The following RGS17 variants were observed in gnomAD, a reference collection of about 807,000 sequenced individuals.
The protein encoded by RGS17 is regulator of G-protein signaling 17.
A neutral mutation model predicts 25.5 loss-of-function variants in RGS17; 12 were observed. The observed-to-expected ratio is 0.47, with a 90% CI of 0.30 to 0.76. The LOEUF (loss-of-function observed/expected upper bound fraction) is 0.76. Ranked by LOEUF, RGS17 falls within the 30% of genes least tolerant of loss-of-function variation. The pLI, the probability that RGS17 is intolerant of heterozygous loss-of-function variation, is 0.07. For synonymous variants in RGS17, 71 were observed against 76.9 expected (o/e 0.92, Z 0.40); for missense variants, 196 against 242.2 (o/e 0.81, Z 1.27).
intron 1 of RGS17, among the ~76,000 whole-genome samples, chr6:153,099,396 TGTACAGACAATTAAG>T (rs1488949203): frequency 1.3e-5 from 2 of 152,264 alleles, no homozygotes; most frequent in Non-Finnish European, 2.9e-5. Flanking sequence ...TAAATATCTC[TGTACAGACAATTAAG>T]TTCAAATAAG....
chr6:153,054,096 A>ATATATATG (rs1314926374), intron 1 of RGS17, among the ~76,000 whole-genome samples: 21 of 76,978 alleles, frequency 2.7e-4, no homozygotes, highest in African/African-American at 1.0e-3. Context: ...TATTTTTTAT[A>ATATATATG]TATATATATA....
chr6:153,093,793 G>A (rs987246920), intron 1 of RGS17, among the ~76,000 whole-genome samples: 1 of 152,110 alleles, frequency 6.6e-6, no homozygotes, highest in African/African-American at 2.4e-5. Flanking sequence ...GTGCTCTAGT[G>A]AAAAGATCAT....
chr6:153,043,223 T>G (rs1344978866), intron 2 of RGS17, among the ~76,000 whole-genome samples: 1 of 151,764 alleles, frequency 6.6e-6, no homozygotes, highest in Non-Finnish European at 1.5e-5. Context: ...AGATTATGAG[T>G]TTGCATGATG....
In RGS17 at chr6:153,130,833, G is replaced by A. The variant is rs555954314; in HGVS notation, c.-26+291C>T. On this transcript the variant is annotated intron_variant, in intron 1 of 4. Transcript: ENST00000206262. This position sits in a 1 kb window ranked among gnomAD's most constrained non-coding sequence, Gnocchi z 6.4. ...GCGTTCCCCGGCGGGCAGGACACTC[G>A]CCCGGTTCCCTGCAGCAGCTGAGGG... Among the ~76,000 whole-genome samples, 602 of 152,080 alleles carry A rather than the reference G, an allele frequency of 4.0e-3. 7 individuals are homozygous for A. The highest frequency in any genetic ancestry group is 6.2e-3 in the Non-Finnish European group (421 of 67,946).
rs1226276226 is a variant in RGS17 at position 153,011,712 on chromosome 6, A to T, written c.495T>A (p.Asp165Glu). 1 of 1,613,198 alleles carries T rather than the reference A, an allele frequency of 6.2e-7. No homozygotes were observed. Among genetic ancestry groups the T allele is most frequent in the Non-Finnish European group, 8.5e-7 (1 of 1,179,560 alleles). The part of the protein sequence containing the change: ...VREVINRNLL[D>E]PNPHMYEDAQ... ...CATCTTCATACATGTGAGGATTGGG[A>T]TCCAACAGATTTCTATTGATCACCT... The change falls in exon 5 of 5, where the codon GAT (aspartate) becomes GAA (glutamate). Residue 165 changes from aspartate to glutamate, a missense_variant. By Grantham distance (45) the Asp-to-Glu change is conservative. Transcript: ENST00000206262.
Position 153,026,466 on chromosome 6 carries a change from A to T in RGS17, c.197T>A (p.Val66Asp), listed in dbSNP as rs779235103. The T allele has an allele frequency of 6.2e-7, 1 of 1,612,058 alleles. No individual in the cohort carries two copies. Among genetic ancestry groups the T allele is most frequent in the Non-Finnish European group, 8.5e-7 (1 of 1,178,474 alleles). Reference sequence around the variant, plus strand: ...TTCTCACACTCACCATTCCTCTAGGACCTGGATACTCTCCATTTTTGTAGT... The same window carrying T: ...TTCTCACACTCACCATTCCTCTAGGTCCTGGATACTCTCCATTTTTGTAGT... ...THTTKMESIQVLEECQNPTAE... is the reference protein window; with the variant it reads ...THTTKMESIQDLEECQNPTAE... The change falls in exon 3 of 5, where the codon GTC (valine) becomes GAC (aspartate). Residue 66 changes from valine (V) to aspartate (D), a missense_variant. Val to Asp is a radical substitution (Grantham distance 152, BLOSUM62 -3). This residue lies in a region of RGS17 where 179 missense variants were observed against 197.6 expected (regional missense o/e 0.91). Coordinates refer to ENST00000206262, the MANE Select transcript of RGS17 (RefSeq NM_012419.5).
chr6:153,120,891 A>G (rs1478838677), intron 1 of RGS17, among the ~76,000 whole-genome samples: 1 of 152,172 alleles, frequency 6.6e-6, no homozygotes, highest in African/African-American at 2.4e-5. Context: ...AATCCGAGAA[A>G]ATGTCACAAC....
At chr6:153,128,737 A>G (rs1562341774) in intron 1 of RGS17, among the ~76,000 whole-genome samples, 1 of 152,196 alleles carries the variant, frequency 6.6e-6, no homozygotes, top group Non-Finnish European at 1.5e-5. Context: ...GCAAAAGTAT[A>G]AAATGGTCAC....
intron 1 of RGS17, among the ~76,000 whole-genome samples, chr6:153,067,046 A>AAAAG (rs113209459): frequency 6.6e-6 from 1 of 151,690 alleles, no homozygotes. Flanking sequence ...TCTCAAAAAC[A>AAAAG]AAACAAACAA....
chr6:153,113,897 A>G (rs1244933277), intron 1 of RGS17, among the ~76,000 whole-genome samples: 1 of 152,222 alleles, frequency 6.6e-6, no homozygotes, highest in African/African-American at 2.4e-5. Context: ...CAAAGACACA[A>G]AGTACCAGAA....
At chr6:153,116,871 C>T (rs1326081392) in intron 1 of RGS17, among the ~76,000 whole-genome samples, 2 of 152,038 alleles carry the variant, frequency 1.3e-5, no homozygotes, top group Non-Finnish European at 2.9e-5. Context: ...GGGAGTTGAA[C>T]AATGAGAACA....
chr6:153,015,617 T>A (rs1779173743), intron 4 of RGS17, among the ~76,000 whole-genome samples: 1 of 152,110 alleles, frequency 6.6e-6, no homozygotes, highest in African/African-American at 2.4e-5. Context: ...GCTATGCTAT[T>A]GCCAAGTATT....
chr6:153,041,856 T>C (rs536796447), intron 2 of RGS17, among the ~76,000 whole-genome samples: 1 of 152,370 alleles, frequency 6.6e-6, no homozygotes, highest in South Asian at 2.1e-4. Flanking sequence ...AAAGTGATCT[T>C]TATTTTCCAA....
At chr6:153,088,938 A>C (rs910049087) in intron 1 of RGS17, among the ~76,000 whole-genome samples, 55 of 145,426 alleles carry the variant, frequency 3.8e-4, no homozygotes, top group Non-Finnish European at 5.3e-4. Context: ...GGAAAAAGAA[A>C]CGAGTAATAT....
chr6:153,070,685 G>GTGTGTGTGTA (rs1776777985), intron 1 of RGS17, among the ~76,000 whole-genome samples: 1 of 116,598 alleles, frequency 8.6e-6, no homozygotes, highest in East Asian at 2.1e-4. Context: ...GTGTGTGTGT[G>GTGTGTGTGTA]TGTGTGTGTG....
intron 2 of RGS17, among the ~76,000 whole-genome samples, chr6:153,031,376 G>A (rs1418664846): frequency 6.6e-6 from 1 of 152,152 alleles, no homozygotes; most frequent in Non-Finnish European, 1.5e-5. Context: ...CCAATTCCAA[G>A]TTTACCAAAG....
At chr6:153,097,290 A>ATTTTTT (rs3083488) in intron 1 of RGS17, among the ~76,000 whole-genome samples, 5 of 88,302 alleles carry the variant, frequency 5.7e-5, no homozygotes, top group African/African-American at 9.2e-5. Flanking sequence ...CGTTTTTTTG[A>ATTTTTT]TTTTTTTTTT....
chr6:153,099,636 G>A (rs1169708576), intron 1 of RGS17, among the ~76,000 whole-genome samples: 10 of 152,102 alleles, frequency 6.6e-5, no homozygotes, highest in African/African-American at 2.2e-4. Context: ...ATACAAAAGC[G>A]TTTGGGTAGA....
chr6:153,116,833 C>T (rs1384299720), intron 1 of RGS17, among the ~76,000 whole-genome samples: 3 of 152,104 alleles, frequency 2.0e-5, no homozygotes, highest in African/African-American at 4.8e-5. Flanking sequence ...AACAGAAAAC[C>T]AAACACCACA....
Sources: gnomAD v4.1 joint callset for allele counts (sites outside exome capture counted in the v4.1 genomes callset) on GRCh38, gnomAD v4.1.1 for gene constraint, gnomAD v4.1.1 regional missense constraint, Gnocchi (gnomAD v3.1) non-coding constraint, MANE v1.5 for transcripts, NCBI Gene and HGNC (gene_info 2026-07-23, HGNC 2026-07-21) for gene names.